The following CBL variants were observed in gnomAD, a reference collection of about 807,000 sequenced individuals.
The protein encoded by CBL is Cbl proto-oncogene, also known as E3 ubiquitin-protein ligase CBL.
CBL carries 45 observed loss-of-function variants against 96.9 expected under a neutral mutation model. The observed-to-expected ratio is 0.46, with a 90% confidence interval of 0.37 to 0.60. CBL has a LOEUF of 0.60. CBL is among the 20% of genes least tolerant of loss of function. CBL has a pLI of 0.00. For missense variants in CBL, 1,024 were observed against 1,143.5 expected (o/e 0.90, Z 1.51); for synonymous variants, 420 against 426.8 (o/e 0.98, Z 0.20).
At chr11:119,206,633 C>T (rs1166900136) in intron 1 of CBL, 21 bp downstream of exon 1, 3 of 1,544,702 alleles carry the variant, frequency 1.9e-6, no homozygotes, top group Middle Eastern at 1.8e-4. Flanking sequence ...GGCTGAGCGC[C>T]CGCTGTTGCA....
intron 2 of CBL, among the ~76,000 whole-genome samples, chr11:119,249,914 T>G (rs1949658831): frequency 6.6e-6 from 1 of 152,144 alleles, no homozygotes; most frequent in Admixed American, 6.6e-5. Flanking sequence ...TTACTCAGCT[T>G]CCTAGAGTGC....
intron 9 of CBL, among the ~76,000 whole-genome samples, chr11:119,279,215 T>A (rs558103657): frequency 6.6e-6 from 1 of 152,142 alleles, no homozygotes; most frequent in South Asian, 2.1e-4. Context: ...ATTAGAAGGT[T>A]GGGGCTGGGC....
chr11:119,239,680 A>G (rs546926316), intron 2 of CBL, among the ~76,000 whole-genome samples: 1 of 152,236 alleles, frequency 6.6e-6, no homozygotes, highest in East Asian at 1.9e-4. Context: ...GAAAATGTTC[A>G]GCCTTTCACC....
rs182792121 is a variant in CBL, at chr11:119,293,395, A to G, written c.2037-3523A>G. ...AGGGCTGGGATTACAGACGTGAGCC[A>G]TCGTGCCCATCCCATCTTCTTTTTT... On this transcript the variant is annotated intron_variant, in intron 12 of 15. Transcript: ENST00000264033. Among the ~76,000 whole-genome samples, 478 of 152,308 alleles carry G rather than the reference A, an allele frequency of 3.1e-3. 1 individual carries two copies. The highest frequency in any genetic ancestry group is 8.8e-3 in the Admixed American group (135 of 15,304).
chr11:119,245,950 G>A (rs1416939200), intron 2 of CBL, among the ~76,000 whole-genome samples: 1 of 107,606 alleles, frequency 9.3e-6, no homozygotes, highest in African/African-American at 3.3e-5. Context: ...CGCATTCTTT[G>A]CAAATCTTTT....
At chr11:119,266,018 C>CAA (rs398017759) in intron 2 of CBL, among the ~76,000 whole-genome samples, 1,650 of 75,998 alleles carry the variant, frequency 0.022, 102 homozygotes, top group African/African-American at 0.081. Flanking sequence ...GACTCCATCT[C>CAA]AAAAAAAAAA....
chr11:119,216,339 A>AATTTATTTATTTATTT (rs113078166), intron 1 of CBL, among the ~76,000 whole-genome samples: 3 of 144,038 alleles, frequency 2.1e-5, no homozygotes, highest in East Asian at 2.1e-4. Flanking sequence ...GACTTATTGT[A>AATTTATTTATTTATTT]ATTTATTTAT....
intron 12 of CBL, among the ~76,000 whole-genome samples, chr11:119,291,748 T>G (rs1950028210): frequency 6.6e-6 from 1 of 152,234 alleles, no homozygotes; most frequent in South Asian, 2.1e-4. Context: ...TGATAATGCT[T>G]ATTTTCCTAG....
chr11:119,257,979 C>G (rs574096446), intron 2 of CBL, among the ~76,000 whole-genome samples: 1 of 152,218 alleles, frequency 6.6e-6, no homozygotes, highest in African/African-American at 2.4e-5. Flanking sequence ...GTAATCTCAG[C>G]ACTTTTGGAG....
chr11:119,260,706 T>G (rs934765791), intron 2 of CBL, among the ~76,000 whole-genome samples: 27 of 152,162 alleles, frequency 1.8e-4, no homozygotes, highest in Non-Finnish European at 1.2e-4. Context: ...CTCAAATCTG[T>G]CTTTATTTTA....
At position 119,274,724 on chromosome 11, in the gene CBL, T is replaced by C. The variant is rs565642680; in HGVS notation, c.748-108T>C. 136 of 1,044,312 alleles carry C rather than the reference T, an allele frequency of 1.3e-4. No homozygotes were observed. In the African/African-American group the frequency reaches 2.1e-3, roughly 16 times the overall value. The allele number at this position is 1,044,312 out of a possible 1,614,324, so 64.7% of individuals were successfully genotyped here. ...CTCTGAGTGATGGTATAATTAAAAA[T>C]TTCTGACAATGAACTGAGAGTTGGT... On this transcript the variant is annotated intron_variant, in intron 4 of 15. Transcript: ENST00000264033.
At chr11:119,255,072 A>ACT (rs1000982395) in intron 2 of CBL, among the ~76,000 whole-genome samples, 19 of 152,130 alleles carry the variant, frequency 1.2e-4, no homozygotes, top group African/African-American at 3.9e-4. Flanking sequence ...GTACCATGAG[A>ACT]CTGGGCTCCA....
At chr11:119,279,953 G>T (rs904214946) in intron 9 of CBL, among the ~76,000 whole-genome samples, 1 of 152,190 alleles carries the variant, frequency 6.6e-6, no homozygotes, top group Non-Finnish European at 1.5e-5. Context: ...ATGTGCAGGT[G>T]AAACACTTCA....
At chr11:119,209,198 C>CT (rs1177302929) in intron 1 of CBL, among the ~76,000 whole-genome samples, 2 of 152,228 alleles carry the variant, frequency 1.3e-5, no homozygotes, top group Non-Finnish European at 2.9e-5. Flanking sequence ...AAGGTGTCCT[C>CT]TTTTTTCACT....
At chr11:119,236,323 A>G (rs1383284206) in intron 2 of CBL, among the ~76,000 whole-genome samples, 2 of 151,756 alleles carry the variant, frequency 1.3e-5, no homozygotes, top group East Asian at 1.9e-4. Context: ...GTGGAATCAC[A>G]TAACGGTGGC....
At chr11:119,290,352 T>G (rs1156608875) in intron 12 of CBL, among the ~76,000 whole-genome samples, 1 of 151,586 alleles carries the variant, frequency 6.6e-6, no homozygotes. Flanking sequence ...AGCCCACTTT[T>G]AATTTTTTAA....
intron 2 of CBL, among the ~76,000 whole-genome samples, chr11:119,256,508 T>G (rs1183343973): frequency 6.6e-6 from 1 of 152,174 alleles, no homozygotes; most frequent in African/African-American, 2.4e-5. Context: ...AGATTTTTAC[T>G]GATTTATCAT....
chr11:119,247,987 A>C (rs1430918550), intron 2 of CBL, among the ~76,000 whole-genome samples: 1 of 152,222 alleles, frequency 6.6e-6, no homozygotes, highest in Non-Finnish European at 1.5e-5. Flanking sequence ...AGAAGACCTA[A>C]ATAAATGGAG....
intron 1 of CBL, among the ~76,000 whole-genome samples, chr11:119,215,833 GA>G (rs371717786): frequency 0.015 from 2,245 of 146,004 alleles, 21 homozygotes; most frequent in South Asian, 0.031. Context: ...TCTCAAAAAA[GA>G]AAAAAAAAAG....
Sources: allele counts gnomAD v4.1 joint callset (sites outside exome capture counted in the v4.1 genomes callset), GRCh38; gene constraint gnomAD v4.1.1; transcripts MANE v1.5; gene names NCBI Gene and HGNC (gene_info 2026-07-23, HGNC 2026-07-21).